NSG1: variants seen among roughly 807,000 people sequenced by gnomAD.
NSG1 encodes the protein neuronal vesicle trafficking associated 1.
NSG1 carries 9 observed loss-of-function variants against 19.3 expected under a neutral mutation model. The observed-to-expected ratio is 0.47, with a 90% confidence interval of 0.28 to 0.81. The LOEUF is 0.81. Ranked by LOEUF, NSG1 falls within the 40% of genes least tolerant of loss-of-function variation. The pLI, the probability that NSG1 is intolerant of heterozygous loss-of-function variation, is 0.11. For synonymous variants in NSG1, 104 were observed against 107.0 expected, an observed-to-expected ratio of 0.97 and a Z score of 0.17; for missense variants, 236 against 242.4, an observed-to-expected ratio of 0.97 and a Z score of 0.18.
At chr4:4,399,754 A>G (rs1272380873) in intron 3 of NSG1, among the ~76,000 whole-genome samples, 1 of 152,232 alleles carries the variant, frequency 6.6e-6, no homozygotes, top group Non-Finnish European at 1.5e-5. Flanking sequence ...TGTACTGACC[A>G]GGGAGCAGGG....
chr4:4,402,368 G>GTTTTTTTTTTTTTTTTTTT (rs1560143233), intron 3 of NSG1, among the ~76,000 whole-genome samples: 3 of 99,600 alleles, frequency 3.0e-5, no homozygotes, highest in Admixed American at 1.3e-4. Context: ...ACCACGCCTG[G>GTTTTTTTTTTTTTTTTTTT]TTATTTTTTT....
chr4:4,408,705 C>A (rs886468098), intron 3 of NSG1, among the ~76,000 whole-genome samples: 1 of 152,160 alleles, frequency 6.6e-6, no homozygotes, highest in African/African-American at 2.4e-5. Flanking sequence ...GGTGATCCAC[C>A]CACCTCGGCA....
intron 2 of NSG1, among the ~76,000 whole-genome samples, chr4:4,389,341 G>A (rs532938636): frequency 2.6e-5 from 4 of 152,322 alleles, no homozygotes; most frequent in Admixed American, 6.5e-5. Context: ...GCAAGCGTCC[G>A]AAGCGGGGCA....
chr4:4,403,376 T>C (rs979472620), intron 3 of NSG1, among the ~76,000 whole-genome samples: 4 of 152,204 alleles, frequency 2.6e-5, no homozygotes, highest in Non-Finnish European at 5.9e-5. Context: ...ACTGTTTCCC[T>C]GCCGCTTCTG....
intron 3 of NSG1, among the ~76,000 whole-genome samples, chr4:4,395,352 T>TG (rs1397065494): frequency 1.3e-5 from 2 of 152,180 alleles, no homozygotes; most frequent in African/African-American, 2.4e-5. Flanking sequence ...GCCTTTCCGA[T>TG]GGGGGTGCAT....
In NSG1 at chr4:4,418,294, G is replaced by A. The variant is rs998392784; in HGVS notation, c.*859G>A. 8 of 152,206 alleles carry A rather than the reference G, an allele frequency of 5.3e-5. No individual in the cohort carries two copies. The highest frequency in any genetic ancestry group is 1.9e-4 in the African/African-American group (8 of 41,456). 9.4% of individuals were successfully genotyped at this position (152,206 alleles called of 1,614,324 possible). A position where few individuals can be genotyped will look rare whatever the true frequency, so the allele number is the denominator to read the frequency against. On this transcript the variant is annotated 3_prime_UTR_variant, in exon 5 of 5. Transcript: ENST00000621129. ...TATTATGAATAAATTTGCACCAATA[G>A]CCCCATTAGTTTTTAAAGAAATGAG...
intron 3 of NSG1, among the ~76,000 whole-genome samples, chr4:4,392,834 C>T (rs1723067232): frequency 6.6e-6 from 1 of 152,068 alleles, no homozygotes. Context: ...ATGGGGAAGT[C>T]GAGGCACAGA....
At chr4:4,411,977 T>C (rs1724229660) in intron 4 of NSG1, among the ~76,000 whole-genome samples, 1 of 152,214 alleles carries the variant, frequency 6.6e-6, no homozygotes, top group African/African-American at 2.4e-5. Context: ...TGTAATTGTA[T>C]GTGCAAGACG....
In NSG1 at chr4:4,418,179, C is replaced by T. The variant is rs769345604; in HGVS notation, c.*744C>T. 21 of 152,606 alleles carry T rather than the reference C, an allele frequency of 1.4e-4. No individual in the cohort carries two copies. Among genetic ancestry groups the T allele is most frequent in the South Asian group, 2.1e-4 (1 of 4,838 alleles). The allele number at this position is 152,606 out of a possible 1,614,324, so 9.5% of individuals were successfully genotyped here. A position where few individuals can be genotyped will look rare whatever the true frequency, so the allele number is the denominator to read the frequency against. ...GGCTGGGAAGAGACGGCCCTGGGCC[C>T]GTGAGGTGCAGAACTCTCCCTGCAG... On this transcript the variant is annotated 3_prime_UTR_variant, in exon 5 of 5. Transcript: ENST00000621129.
chr4:4,413,370 A>C (rs1724328953), intron 4 of NSG1, among the ~76,000 whole-genome samples: 1 of 151,434 alleles, frequency 6.6e-6, no homozygotes, highest in Non-Finnish European at 1.5e-5. Flanking sequence ...CCAGCCAAGG[A>C]AAGCCCCCAC....
intron 3 of NSG1, among the ~76,000 whole-genome samples, chr4:4,398,678 A>G (rs1170771366): frequency 2.0e-5 from 3 of 152,068 alleles, no homozygotes. Context: ...CATTTTGTTT[A>G]TTGATTCATT....
chr4:4,418,488 A>G lies in NSG1; in HGVS notation c.*1053A>G, dbSNP rs1724714717. The G allele has an allele frequency of 1.3e-5, 2 of 152,638 alleles. No individual in the cohort carries two copies. The highest frequency in any genetic ancestry group is 2.4e-5 in the African/African-American group (1 of 41,452). 9.5% of individuals were successfully genotyped at this position (152,638 alleles called of 1,614,324 possible). A position where few individuals can be genotyped will look rare whatever the true frequency, so the allele number is the denominator to read the frequency against. On this transcript the variant is annotated 3_prime_UTR_variant, in exon 5 of 5. Coordinates refer to ENST00000621129, the MANE Select transcript of NSG1 (RefSeq NM_014392.5). ...ACAAAATGACAAATTTCAACTCACA[A>G]TCTTTGTAAGAAAATTGTTCCAGTT...
intron 3 of NSG1, among the ~76,000 whole-genome samples, chr4:4,408,527 C>G (rs1197526055): frequency 6.6e-6 from 1 of 152,238 alleles, no homozygotes; most frequent in Non-Finnish European, 1.5e-5. Context: ...GTGGCACTAT[C>G]TCAGCTCACT....
intron 2 of NSG1, 101 bp from the exon 3 acceptor site, chr4:4,391,374 T>A (rs1202514315): frequency 5.6e-6 from 4 of 715,548 alleles, no homozygotes; most frequent in Non-Finnish European, 9.5e-6. Context: ...AATTTCTTCC[T>A]GGCAAATGGT....
intron 4 of NSG1, among the ~76,000 whole-genome samples, chr4:4,410,674 A>G (rs1178893823): frequency 6.6e-6 from 1 of 152,206 alleles, no homozygotes; most frequent in Non-Finnish European, 1.5e-5. Context: ...TGCAGCTTGC[A>G]GGACCGGAAG....
intron 3 of NSG1, among the ~76,000 whole-genome samples, chr4:4,402,797 C>T (rs751738065): frequency 3.3e-5 from 5 of 152,184 alleles, no homozygotes; most frequent in African/African-American, 4.8e-5. Flanking sequence ...AAGAAAGGCC[C>T]GGCTTCTAAG....
Position 4,402,377 on chromosome 4 carries a change from T to TG in NSG1, c.247-7196_247-7195insG, listed in dbSNP as rs1337357090. 4.6e-4 allele frequency among the ~76,000 whole-genome samples: 6 copies of TG among 13,142 alleles called. 1 individual carries two copies. The highest frequency in any genetic ancestry group is 3.5e-3 in the Admixed American group (4 of 1,142). 8.6% of individuals were successfully genotyped at this position (13,142 alleles called of 152,430 possible). ...CGCAGCACCACGCCTGGTTATTTTTTTTTTTTTTTTTTTTTTTTTTTTTTT... is the reference window on the plus strand; with the variant it reads ...CGCAGCACCACGCCTGGTTATTTTTTGTTTTTTTTTTTTTTTTTTTTTTTTT... On this transcript the variant is annotated intron_variant, in intron 3 of 4. Coordinates refer to ENST00000621129, the MANE Select transcript of NSG1 (RefSeq NM_014392.5).
chr4:4,405,407 G>A (rs1723797389), intron 3 of NSG1, among the ~76,000 whole-genome samples: 1 of 152,138 alleles, frequency 6.6e-6, no homozygotes, highest in South Asian at 2.1e-4. Context: ...ATCTCTTTTT[G>A]AGGGGCCCAG....
chr4:4,394,004 G>A (rs1723125101), intron 3 of NSG1, among the ~76,000 whole-genome samples: 1 of 152,176 alleles, frequency 6.6e-6, no homozygotes, highest in Non-Finnish European at 1.5e-5. Context: ...TGATCCATGA[G>A]CTAGACTCTG....
Sources: gnomAD v4.1 joint callset for allele counts (sites outside exome capture counted in the v4.1 genomes callset) on GRCh38, gnomAD v4.1.1 for gene constraint, MANE v1.5 for transcripts, NCBI Gene and HGNC (gene_info 2026-07-23, HGNC 2026-07-21) for gene names.